The following CAMK1D variants were observed in gnomAD, a reference collection of about 807,000 sequenced individuals.
The protein encoded by CAMK1D is calcium/calmodulin-dependent protein kinase type 1D.
CAMK1D carries 9 observed loss-of-function variants against 47.7 expected under a neutral mutation model. The ratio of observed to expected loss-of-function variants is 0.19; its 90% CI spans 0.11 to 0.33. CAMK1D has a LOEUF of 0.33. Ranked by LOEUF, CAMK1D falls within the 10% of genes least tolerant of loss-of-function variation. The probability of loss-of-function intolerance (pLI) is 1.00; values close to 1 mark genes in which losing one functional copy is unlikely to be tolerated. For synonymous variants in CAMK1D, 184 were observed against 184.9 expected (o/e 0.99, Z 0.04); for missense variants, 291 against 488.7 (o/e 0.60, Z 3.81).
chr10:12,457,624 T>TA, intron 1 of CAMK1D, among the ~76,000 whole-genome samples: 1 of 147,958 alleles, frequency 6.8e-6, no homozygotes, highest in Non-Finnish European at 1.5e-5. Flanking sequence ...CTACTAAAAA[T>TA]ACAAAAATTA....
chr10:12,482,687 A>G (rs1218239089), intron 1 of CAMK1D, among the ~76,000 whole-genome samples: 1 of 152,210 alleles, frequency 6.6e-6, no homozygotes, highest in East Asian at 1.9e-4. Context: ...GGCCAGCTTG[A>G]TGAACAGCCT....
chr10:12,378,371 G>A (rs1186925757), intron 1 of CAMK1D, among the ~76,000 whole-genome samples: 4 of 151,950 alleles, frequency 2.6e-5, no homozygotes. Context: ...TCAGCCTCCT[G>A]TGTAGCTGGG....
chr10:12,354,101 C>A (rs1837427858), intron 1 of CAMK1D, among the ~76,000 whole-genome samples: 1 of 152,132 alleles, frequency 6.6e-6, no homozygotes, highest in African/African-American at 2.4e-5. Flanking sequence ...CAGAATGAGT[C>A]TCCCAACAAA....
intron 3 of CAMK1D, 36 bp downstream of exon 3, chr10:12,666,846 A>G: frequency 1.3e-6 from 2 of 1,502,662 alleles, no homozygotes; most frequent in South Asian, 2.3e-5. Flanking sequence ...TTTTGAACCA[A>G]CTTGCAAACT....
intron 3 of CAMK1D, among the ~76,000 whole-genome samples, chr10:12,717,661 G>A (rs1834199631): frequency 6.7e-6 from 1 of 149,370 alleles, no homozygotes. Flanking sequence ...TGAGGTGAGA[G>A]TATCACTTAA....
intron 3 of CAMK1D, among the ~76,000 whole-genome samples, chr10:12,751,109 AAGATAAGAT>A (rs1835952595): frequency 4.9e-5 from 3 of 61,498 alleles, no homozygotes; most frequent in Non-Finnish European, 9.7e-5. Flanking sequence ...AAGATAAGAT[AAGATAAGAT>A]AAGATAAGAA....
At chr10:12,549,679 G>A (rs1231889704) in intron 1 of CAMK1D, among the ~76,000 whole-genome samples, 1 of 152,182 alleles carries the variant, frequency 6.6e-6, no homozygotes, top group African/African-American at 2.4e-5. Context: ...GTCAAGCCTG[G>A]GCTGTTTAGC....
At chr10:12,549,482 G>A (rs1325240299) in intron 1 of CAMK1D, among the ~76,000 whole-genome samples, 1 of 152,196 alleles carries the variant, frequency 6.6e-6, no homozygotes, top group African/African-American at 2.4e-5. Context: ...GCCACCACGT[G>A]GCTGTTGTGA....
intron 1 of CAMK1D, among the ~76,000 whole-genome samples, chr10:12,381,342 C>CT (rs35503338): frequency 1.0e-3 from 135 of 134,652 alleles, no homozygotes; most frequent in East Asian, 1.7e-3. Flanking sequence ...ATAATGCTTT[C>CT]TTTTTTTTTT....
chr10:12,523,714 G>C (rs1257994703), intron 1 of CAMK1D, among the ~76,000 whole-genome samples: 1 of 152,162 alleles, frequency 6.6e-6, no homozygotes, highest in Non-Finnish European at 1.5e-5. Flanking sequence ...AGCTTTGGCT[G>C]GGCATCAGAG....
intron 1 of CAMK1D, among the ~76,000 whole-genome samples, chr10:12,543,345 G>T (rs1836259234): frequency 6.6e-6 from 1 of 152,042 alleles, no homozygotes; most frequent in Non-Finnish European, 1.5e-5. Context: ...CACCACGCCT[G>T]GCCATTGCCC....
At chr10:12,581,621 A>G (rs1165896565) in intron 2 of CAMK1D, among the ~76,000 whole-genome samples, 1 of 152,086 alleles carries the variant, frequency 6.6e-6, no homozygotes, top group African/African-American at 2.4e-5. Context: ...GTTTTGATTT[A>G]CATTTCCCTG....
At chr10:12,774,823 A>T (rs1837208565) in intron 5 of CAMK1D, among the ~76,000 whole-genome samples, 1 of 152,002 alleles carries the variant, frequency 6.6e-6, no homozygotes, top group South Asian at 2.1e-4. Flanking sequence ...TCCTTTTGAG[A>T]CTCTAATAAT....
At chr10:12,472,455 T>G (rs1367876726) in intron 1 of CAMK1D, among the ~76,000 whole-genome samples, 1 of 151,884 alleles carries the variant, frequency 6.6e-6, no homozygotes, top group Non-Finnish European at 1.5e-5. Flanking sequence ...GGGTTGTTTC[T>G]TGTTTTTTCC....
chr10:12,825,776 A>G lies in CAMK1D; in HGVS notation c.1039+86A>G, dbSNP rs756496704. 4.4e-6 allele frequency: 7 copies of G among 1,593,638 alleles called. No individual in the cohort carries two copies. The South Asian group carries it at 7.9e-5, about 18-fold the overall frequency. On this transcript the variant is annotated intron_variant, in intron 10 of 10. Coordinates refer to ENST00000619168, the MANE Select transcript of CAMK1D (RefSeq NM_153498.4). ...AGGAGGGAGCCGGCATCTGCCGAGC[A>G]CCTCCTGTTTGCCAGGCGCTTTCTA... is the stretch of plus-strand genomic sequence containing the variant.
intron 3 of CAMK1D, among the ~76,000 whole-genome samples, chr10:12,741,165 G>A (rs553155075): frequency 6.6e-6 from 1 of 152,304 alleles, no homozygotes; most frequent in East Asian, 1.9e-4. Context: ...ATTAAATGAA[G>A]GAAACGCATG....
At chr10:12,651,922 G>T (rs956208388) in intron 2 of CAMK1D, among the ~76,000 whole-genome samples, 2 of 151,922 alleles carry the variant, frequency 1.3e-5, no homozygotes, top group East Asian at 3.9e-4. Flanking sequence ...GGGACTACAG[G>T]TGCCCGCCAC....
intron 1 of CAMK1D, among the ~76,000 whole-genome samples, chr10:12,441,092 C>T (rs1342905512): frequency 1.3e-5 from 2 of 152,236 alleles, no homozygotes; most frequent in South Asian, 2.1e-4. Flanking sequence ...ACCCTTTCGT[C>T]CTCCAATCAT....
intron 1 of CAMK1D, among the ~76,000 whole-genome samples, chr10:12,546,740 C>G (rs1836385480): frequency 6.9e-6 from 1 of 144,808 alleles, no homozygotes; most frequent in Non-Finnish European, 1.5e-5. Flanking sequence ...TGTTCTCACT[C>G]ATAGGTGGGA....
Sources: gnomAD v4.1 joint callset for allele counts (sites outside exome capture counted in the v4.1 genomes callset) on GRCh38, gnomAD v4.1.1 for gene constraint, MANE v1.5 for transcripts, NCBI Gene and HGNC (gene_info 2026-07-23, HGNC 2026-07-21) for gene names.